The following ACSM2A variants were observed in gnomAD, a reference collection of about 807,000 sequenced individuals.
The protein encoded by ACSM2A is acyl-CoA synthetase medium chain family member 2A.
ACSM2A carries 72 observed loss-of-function variants against 76.6 expected under a neutral mutation model. The ratio of observed to expected loss-of-function variants is 0.94; its 90% CI spans 0.78 to 1.14. The LOEUF is 1.14. ACSM2A is among the 50% of genes most tolerant of loss of function. The pLI, the probability that ACSM2A is intolerant of heterozygous loss-of-function variation, is 0.00. For missense variants in ACSM2A, 684 were observed against 708.5 expected (o/e 0.97, Z 0.39); for synonymous variants, 249 against 255.9 (o/e 0.97, Z 0.26).
At chr16:20,470,630 T>A (rs557019689) in intron 4 of ACSM2A, among the ~76,000 whole-genome samples, 30 of 152,288 alleles carry the variant, frequency 2.0e-4, no homozygotes, top group African/African-American at 7.2e-4. Context: ...TTCCAGGGAA[T>A]AGAAGAGAAT....
At chr16:20,476,483 C>G in intron 8 of ACSM2A, 1 of 985,424 alleles carries the variant, frequency 1.0e-6, no homozygotes, top group Non-Finnish European at 1.2e-6. Flanking sequence ...TTGACGGCAG[C>G]TCTGTGGTAT....
chr16:20,467,853 G>T (rs2013108163), intron 3 of ACSM2A, among the ~76,000 whole-genome samples: 1 of 152,020 alleles, frequency 6.6e-6, no homozygotes, highest in African/African-American at 2.4e-5. Context: ...AGGATGAGAA[G>T]TACAGTGGTA....
intron 1 of ACSM2A, among the ~76,000 whole-genome samples, chr16:20,456,423 C>T (rs1328372055): frequency 6.8e-6 from 1 of 146,564 alleles, no homozygotes; most frequent in East Asian, 2.2e-4. Context: ...CTCAATAAAT[C>T]TGAGAAAAGT....
intron 13 of ACSM2A, among the ~76,000 whole-genome samples, chr16:20,485,936 G>T (rs1198000605): frequency 6.6e-6 from 1 of 152,194 alleles, no homozygotes; most frequent in East Asian, 1.9e-4. Flanking sequence ...AGAGATAGAG[G>T]ATCCTCAACT....
intron 2 of ACSM2A, among the ~76,000 whole-genome samples, chr16:20,465,243 T>A (rs956817478): frequency 2.0e-5 from 3 of 152,184 alleles, no homozygotes; most frequent in Non-Finnish European, 2.9e-5. Flanking sequence ...TATAAAAAAA[T>A]TATGCATGCT....
chr16:20,473,480 C>T (rs916602161), intron 6 of ACSM2A, among the ~76,000 whole-genome samples: 4 of 152,096 alleles, frequency 2.6e-5, no homozygotes, highest in African/African-American at 9.7e-5. Flanking sequence ...TAAGGCAAAG[C>T]AATAAGGAAT....
intron 8 of ACSM2A, chr16:20,476,429 C>G: frequency 2.0e-6 from 2 of 985,518 alleles, no homozygotes; most frequent in Non-Finnish European, 2.4e-6. Flanking sequence ...ACCCTGCATC[C>G]TTCTTTGGCT....
intron 3 of ACSM2A, among the ~76,000 whole-genome samples, chr16:20,467,360 TTGAGTGACACTCAAACCATTGATGCAC>T (rs2141713782): frequency 7.3e-6 from 1 of 137,126 alleles, no homozygotes; most frequent in Admixed American, 7.1e-5. Flanking sequence ...CATTGATGCA[TTGAGTGACACTCAAACCATTGATGCAC>T]TGAGTGACAT....
chr16:20,482,884 AG>A (rs2014163847), intron 12 of ACSM2A, 173 bp from the exon 13 acceptor site: 2 of 1,010,002 alleles, frequency 2.0e-6, no homozygotes, highest in African/African-American at 3.2e-5. Context: ...GACTTCAGAG[AG>A]AGCTGTAACC....
intron 8 of ACSM2A, 157 bp from the exon 9 acceptor site, chr16:20,477,212 T>TA (rs1183399416): frequency 7.8e-7 from 1 of 1,286,618 alleles, no homozygotes; most frequent in East Asian, 2.6e-5. Context: ...GTGGTTCCAG[T>TA]AATGGGGAGA....
chr16:20,473,394 G>T (rs1360196451), intron 6 of ACSM2A, among the ~76,000 whole-genome samples: 2 of 152,158 alleles, frequency 1.3e-5, no homozygotes, highest in Non-Finnish European at 2.9e-5. Context: ...TAGGTTGGAG[G>T]TGTAGGGTGG....
chr16:20,483,906 G>A (rs1700813), intron 13 of ACSM2A, among the ~76,000 whole-genome samples: 19,061 of 150,646 alleles, frequency 0.13, 1,330 homozygotes, highest in South Asian at 0.22. Flanking sequence ...ATGTGGTCAG[G>A]TGTCTCTCTT....
intron 1 of ACSM2A, among the ~76,000 whole-genome samples, chr16:20,459,543 G>A (rs1349363774): frequency 1.3e-5 from 2 of 152,120 alleles, no homozygotes; most frequent in Admixed American, 1.3e-4. Context: ...TTGTTGTTCT[G>A]GGTCCCAGTC....
chr16:20,470,882 C>A, intron 4 of ACSM2A, 191 bp from the exon 5 acceptor site: 1 of 832,378 alleles, frequency 1.2e-6, no homozygotes, highest in Non-Finnish European at 2.0e-6. Flanking sequence ...AAGTGTGAAA[C>A]TTCAGTAGTT....
chr16:20,462,694 CAG>C (rs1405040819), intron 2 of ACSM2A, among the ~76,000 whole-genome samples: 1 of 151,994 alleles, frequency 6.6e-6, no homozygotes, highest in African/African-American at 2.4e-5. Flanking sequence ...TACAATAAAA[CAG>C]AGAAATTAGA....
rs767279856 is a variant in ACSM2A, at chr16:20,480,717, G to T, written c.1409+17G>T. 1.2e-6 allele frequency: 2 copies of T among 1,602,324 alleles called. No homozygotes were observed. The highest frequency in any genetic ancestry group is 4.5e-5 in the East Asian group (2 of 44,706). On this transcript the variant is annotated intron_variant, in intron 11 of 13. Coordinates refer to ENST00000573854, the MANE Select transcript of ACSM2A (RefSeq NM_001308172.2). The stretch of plus-strand genomic sequence containing the variant: ...CTCCAGCGGGTGAGCTTGGTTTCTG[G>T]GTTGGGAAGGGAAATCTGGGTCTTT...
At position 20,471,580 on chromosome 16, in the gene ACSM2A, A is replaced by T. The variant is rs764852792; in HGVS notation, c.785A>T (p.Asp262Val). ...TCTGATATAATGTGGACCATATCAG[A>T]CACAGGTTGGATACTGAACATCTTG... The part of the protein sequence containing the change: ...QASDIMWTIS[D>V]TGWILNILCS... The change falls in exon 6 of 14, where the codon GAC (aspartate) becomes GTC (valine). Residue 262 changes from aspartate to valine, a missense_variant. Transcript: ENST00000573854. 6.2e-7 allele frequency: 1 copy of T among 1,614,018 alleles called. No individual in the cohort carries two copies. Among genetic ancestry groups the T allele is most frequent in the East Asian group, 2.2e-5 (1 of 44,884 alleles).
chr16:20,486,477 A>G, intron 13 of ACSM2A, 97 bp from the exon 14 acceptor site: 1 of 1,385,356 alleles, frequency 7.2e-7, no homozygotes, highest in Admixed American at 1.7e-5. Context: ...AAGTGGCTCC[A>G]GCCTGAAGAA....
rs1050158890 is a variant in ACSM2A at position 20,458,905 on chromosome 16, C to T, written c.-8-1202C>T. Among the ~76,000 whole-genome samples, 596 of 74,762 alleles carry T rather than the reference C, an allele frequency of 8.0e-3. 11 individuals are homozygous for T. The highest frequency in any genetic ancestry group is 0.046 in the East Asian group (40 of 878). 49.0% of individuals were successfully genotyped at this position (74,762 alleles called of 152,430 possible). On this transcript the variant is annotated intron_variant, in intron 1 of 13. Coordinates refer to ENST00000573854, the MANE Select transcript of ACSM2A (RefSeq NM_001308172.2). The stretch of plus-strand genomic sequence containing the variant: ...ACATAGTATATATTATATATATATG[C>T]ATATATATATATATATATATATATA...
Sources: gnomAD v4.1 joint callset for allele counts (sites outside exome capture counted in the v4.1 genomes callset) on GRCh38, gnomAD v4.1.1 for gene constraint, MANE v1.5 for transcripts, NCBI Gene and HGNC (gene_info 2026-07-23, HGNC 2026-07-21) for gene names.